PTK2B: variants seen among roughly 807,000 people sequenced by gnomAD.
The protein encoded by PTK2B is protein tyrosine kinase 2 beta.
A neutral mutation model predicts 142.9 loss-of-function variants in PTK2B; 71 were observed. That is an observed-to-expected ratio of 0.50 (90% confidence interval 0.41 to 0.61). The LOEUF (loss-of-function observed/expected upper bound fraction) is 0.61. PTK2B is among the 20% of genes least tolerant of loss of function. The probability of loss-of-function intolerance (pLI) is 0.00; values close to 1 mark genes in which losing one functional copy is unlikely to be tolerated. For synonymous variants in PTK2B, 519 were observed against 503.4 expected, an observed-to-expected ratio of 1.03 and a Z score of -0.42; for missense variants, 1,105 against 1,320.4, an observed-to-expected ratio of 0.84 and a Z score of 2.53.
intron 1 of PTK2B, among the ~76,000 whole-genome samples, chr8:27,381,561 T>C (rs1214272850): frequency 6.6e-6 from 1 of 152,244 alleles, no homozygotes; most frequent in Non-Finnish European, 1.5e-5. Flanking sequence ...TGATGGGCAC[T>C]TCGGTTGATT....
chr8:27,430,195 C>T, intron 6 of PTK2B, 40 bp downstream of exon 6: 1 of 1,593,374 alleles, frequency 6.3e-7, no homozygotes, highest in Non-Finnish European at 8.6e-7. Context: ...CCTTCCTGTC[C>T]TTCCATGTGT....
chr8:27,310,790 G>A, upstream of PTK2B: 7 of 1,571,676 alleles, frequency 4.5e-6, no homozygotes, highest in Non-Finnish European at 6.1e-6. Flanking sequence ...CGTGCAAATC[G>A]CTGCTCTTAC....
intron 1 of PTK2B, among the ~76,000 whole-genome samples, chr8:27,350,514 C>A (rs1804981491): frequency 6.6e-6 from 1 of 152,160 alleles, no homozygotes; most frequent in Non-Finnish European, 1.5e-5. Context: ...TGCAACCCCA[C>A]TCAGGGACCT....
intron 1 of PTK2B, among the ~76,000 whole-genome samples, chr8:27,370,694 G>A (rs1040863505): frequency 7.2e-5 from 11 of 152,306 alleles, no homozygotes; most frequent in Admixed American, 6.5e-4. Flanking sequence ...GTTGCCTCAC[G>A]ACCTTCTACC....
intron 1 of PTK2B, among the ~76,000 whole-genome samples, chr8:27,352,893 C>G (rs930541218): frequency 6.6e-6 from 1 of 152,138 alleles, no homozygotes; most frequent in Non-Finnish European, 1.5e-5. Flanking sequence ...TCAGTTATGT[C>G]TTTATCAGCA....
chr8:27,368,739 A>G (rs1413835746), intron 1 of PTK2B, among the ~76,000 whole-genome samples: 1 of 152,172 alleles, frequency 6.6e-6, no homozygotes, highest in Non-Finnish European at 1.5e-5. Context: ...GAAGGAAGCC[A>G]CCTGTCCCAC....
intron 22 of PTK2B, among the ~76,000 whole-genome samples, chr8:27,443,445 G>A (rs1486305273): frequency 5.9e-5 from 9 of 152,212 alleles, no homozygotes; most frequent in African/African-American, 1.9e-4. Flanking sequence ...AAAGACCACA[G>A]ACCAAGTGGC....
intron 1 of PTK2B, among the ~76,000 whole-genome samples, chr8:27,393,109 A>G (rs1446945776): frequency 6.6e-6 from 1 of 152,184 alleles, no homozygotes; most frequent in Non-Finnish European, 1.5e-5. Flanking sequence ...TTTGGGATCT[A>G]AGTTTGCTAC....
At chr8:27,419,543 C>G (rs1302373435) in intron 2 of PTK2B, among the ~76,000 whole-genome samples, 4 of 152,194 alleles carry the variant, frequency 2.6e-5, no homozygotes, top group African/African-American at 4.8e-5. Flanking sequence ...GGCTAAATTG[C>G]AAACCACTCA....
chr8:27,388,825 C>T (rs1807533907), intron 1 of PTK2B, among the ~76,000 whole-genome samples: 1 of 152,268 alleles, frequency 6.6e-6, no homozygotes, highest in Non-Finnish European at 1.5e-5. Context: ...GGCCTTCCAG[C>T]TCACACCTGT....
At chr8:27,453,823 A>C (rs1268921876) in intron 28 of PTK2B, among the ~76,000 whole-genome samples, 2 of 152,140 alleles carry the variant, frequency 1.3e-5, no homozygotes, top group African/African-American at 2.4e-5. Context: ...TTAGTGAGCT[A>C]TGACTGTGCC....
At chr8:27,437,577 T>A in intron 17 of PTK2B, 81 bp downstream of exon 17, 1 of 1,302,584 alleles carries the variant, frequency 7.7e-7, no homozygotes, top group Non-Finnish European at 1.1e-6. Context: ...CCCAGCTTCC[T>A]GACTTCTGTG....
chr8:27,430,884 G>T lies in PTK2B; in HGVS notation c.678G>T (p.Gln226His). 6.2e-7 allele frequency: 1 copy of T among 1,613,936 alleles called. No individual in the cohort carries two copies. Among genetic ancestry groups the T allele is most frequent in the Non-Finnish European group, 8.5e-7 (1 of 1,179,922 alleles). ...KQMQENLKPK[Q>H]FRKMIQQTFQ... is the part of the protein sequence containing the mutation. ...CCCATCCCCTCCCCCAGCCCAAACA[G>T]TTCCGGAAGATGATCCAGCAGACCT... Residue 226 changes from glutamine (Q) to histidine (H), a missense_variant, in exon 8 of 31, where the codon CAG becomes CAT. Gln to His is a conservative substitution (Grantham distance 24). Transcript: ENST00000346049.
In PTK2B at chr8:27,430,293, C is replaced by T. The variant is rs891416879; in HGVS notation, c.615-71C>T. ...AGGTCCCAAAGCCCTCTCACCTCTTCCTGATTGGCCCGCAGTCCTGTGGTG... is the reference window on the plus strand; with the variant it reads ...AGGTCCCAAAGCCCTCTCACCTCTTTCTGATTGGCCCGCAGTCCTGTGGTG... On this transcript the variant is annotated intron_variant, in intron 6 of 30. Transcript: ENST00000346049. 1.9e-6 allele frequency: 3 copies of T among 1,604,352 alleles called. No individual in the cohort carries two copies. In the African/African-American group the frequency reaches 4.0e-5, roughly 21 times the overall value.
chr8:27,321,500 A>G (rs1191675657), upstream of PTK2B, among the ~76,000 whole-genome samples: 1 of 152,250 alleles, frequency 6.6e-6, no homozygotes, highest in Non-Finnish European at 1.5e-5. Context: ...GACTATGTCC[A>G]GGGTAAGCAT....
intron 2 of PTK2B, among the ~76,000 whole-genome samples, chr8:27,402,930 T>C (rs1447478919): frequency 6.6e-6 from 1 of 152,232 alleles, no homozygotes; most frequent in African/African-American, 2.4e-5. Flanking sequence ...CACAACCTTA[T>C]GTCACTCCTA....
Position 27,437,645 on chromosome 8 carries a change from C to T in PTK2B, c.1528-120C>T, listed in dbSNP as rs1810869908. On this transcript the variant is annotated intron_variant, in intron 17 of 30. Coordinates refer to ENST00000346049, the MANE Select transcript of PTK2B (RefSeq NM_173176.3). ...CAAGGAAATTGCTGGAACATTTTGC[C>T]AGCTTTGGGTTTGTCTCCCACCGCC... is the stretch of plus-strand genomic sequence containing the variant. 8.9e-6 allele frequency: 11 copies of T among 1,240,334 alleles called. No individual in the cohort carries two copies. In the Admixed American group the frequency reaches 2.0e-4, roughly 23 times the overall value. 76.8% of individuals were successfully genotyped at this position (1,240,334 alleles called of 1,614,324 possible). A position where few individuals can be genotyped will look rare whatever the true frequency, so the allele number is the denominator to read the frequency against.
At chr8:27,404,272 A>G (rs765844759) in intron 2 of PTK2B, among the ~76,000 whole-genome samples, 13 of 152,128 alleles carry the variant, frequency 8.5e-5, no homozygotes, top group Non-Finnish European at 1.6e-4. Context: ...TGCCTATCAC[A>G]AGACCATCTT....
intron 1 of PTK2B, among the ~76,000 whole-genome samples, chr8:27,330,182 GAAT>G (rs1353074159): frequency 1.3e-5 from 2 of 152,140 alleles, no homozygotes; most frequent in African/African-American, 4.8e-5. Context: ...TGCACCCACT[GAAT>G]AATAATAGCG....
Sources: gnomAD v4.1 joint callset for allele counts (sites outside exome capture counted in the v4.1 genomes callset) on GRCh38, gnomAD v4.1.1 for gene constraint, MANE v1.5 for transcripts, NCBI Gene and HGNC (gene_info 2026-07-23, HGNC 2026-07-21) for gene names.